Variants in ANKHD1 observed in about 807,000 individuals in gnomAD.
The protein encoded by ANKHD1 is ankyrin repeat and KH domain containing 1.
Under a neutral mutation model 230.5 loss-of-function variants are expected in ANKHD1, and 31 were observed. That is an observed-to-expected ratio of 0.13 (90% confidence interval 0.10 to 0.18). The LOEUF is 0.18. ANKHD1 is among the 10% of genes least tolerant of loss of function. ANKHD1 has a pLI of 1.00. For synonymous variants in ANKHD1, 1,074 were observed against 1,117.6 expected (o/e 0.96, Z 0.78); for missense variants, 2,256 against 3,071.3 (o/e 0.73, Z 6.27).
In ANKHD1 at chr5:140,485,592, G is replaced by A. The variant is rs1751471318; in HGVS notation, c.2002G>A (p.Gly668Ser). 1 of 1,611,594 alleles carries A rather than the reference G, an allele frequency of 6.2e-7. No homozygotes were observed. Among genetic ancestry groups the A allele is most frequent in the Non-Finnish European group, 8.5e-7 (1 of 1,179,434 alleles). Residue 668 changes from glycine to serine, a missense_variant, in exon 13 of 34, where the codon GGT (glycine) becomes AGT (serine). Around this residue, in one of 13 missense-constraint regions of ANKHD1, gnomAD observed 23 missense variants for 51.8 expected, o/e 0.44. Coordinates refer to ENST00000360839, the MANE Select transcript of ANKHD1 (RefSeq NM_017747.3). This position sits in a 1 kb window ranked among gnomAD's most constrained non-coding sequence, Gnocchi z 4.8. ...GADPTHRLKD[G>S]STMLIEAAKG... ...TATCATGGCAATTCTTTTTCAGGAT[G>A]GTTCAACAATGCTCATTGAAGCTGC...
chr5:140,457,719 G>A (rs556236149), intron 7 of ANKHD1, among the ~76,000 whole-genome samples: 6 of 152,108 alleles, frequency 3.9e-5, no homozygotes, highest in African/African-American at 1.2e-4. Flanking sequence ...TCGGGGGAGC[G>A]GGGAGGGAAA....
rs773286779 is a variant in ANKHD1, at chr5:140,458,802, C to T, written c.1420C>T (p.Pro474Ser). The change falls in exon 8 of 34, where the codon CCC (proline) becomes TCC (serine). Residue 474 changes from proline (P) to serine (S), a missense_variant. By Grantham distance (74) the Pro-to-Ser change is moderately conservative (BLOSUM62 -1). This residue lies in a region of ANKHD1 where 179 missense variants were observed against 261.8 expected (regional missense o/e 0.68). Transcript: ENST00000360839. ...LEEVNDEGYT[P>S]LMEAAREGHE... is the part of the protein sequence containing the mutation. ...AGAAGTTAATGATGAAGGATACACT[C>T]CCTTGATGGAAGCTGCCCGGGAAGG... is the stretch of plus-strand genomic sequence containing the variant. 11 of 1,612,936 alleles carry T rather than the reference C, an allele frequency of 6.8e-6. No homozygotes were observed. Among genetic ancestry groups the T allele is most frequent in the African/African-American group, 1.3e-5 (1 of 74,664 alleles).
chr5:140,420,812 G>C (rs1771914743), intron 1 of ANKHD1, among the ~76,000 whole-genome samples: 2 of 152,158 alleles, frequency 1.3e-5, no homozygotes, highest in Non-Finnish European at 1.5e-5. Flanking sequence ...GTTATTCTGG[G>C]TTATTGGTTA....
intron 1 of ANKHD1, among the ~76,000 whole-genome samples, chr5:140,415,466 T>C (rs1237298334): frequency 7.1e-6 from 1 of 141,234 alleles, no homozygotes. Flanking sequence ...TGAGATGGAG[T>C]CTTGCTCTGT....
chr5:140,436,309 TTTACAG>T (rs1333703267), intron 2 of ANKHD1, 52 bp downstream of exon 2: 1 of 1,379,722 alleles, frequency 7.2e-7, no homozygotes, highest in African/African-American at 1.5e-5. Context: ...TCTAGATCTC[TTTACAG>T]TTACATGAGA....
Position 140,464,649 on chromosome 5 carries a change from T to C in ANKHD1, c.1673-18T>C, listed in dbSNP as rs778912427. On this transcript the variant is annotated intron_variant, in intron 9 of 33. Coordinates refer to ENST00000360839, the MANE Select transcript of ANKHD1 (RefSeq NM_017747.3). Reference sequence around the variant, plus strand: ...TTTTACAGTTCACAAAGTAAATGTATGCTTTTTTGTTTGCTAGGCGCTAAT... The same window carrying C: ...TTTTACAGTTCACAAAGTAAATGTACGCTTTTTTGTTTGCTAGGCGCTAAT... 1.3e-5 allele frequency: 20 copies of C among 1,524,808 alleles called. 1 individual carries two copies. The South Asian group carries it at 2.6e-4, about 20-fold the overall frequency. 94.5% of individuals were successfully genotyped at this position (1,524,808 alleles called of 1,614,324 possible).
rs775758539 is a variant in ANKHD1, at chr5:140,440,282, C to G, written c.765+16C>G. The G allele has an allele frequency of 6.3e-7, 1 of 1,598,870 alleles. No individual in the cohort carries two copies. Among genetic ancestry groups the G allele is most frequent in the Non-Finnish European group, 8.5e-7 (1 of 1,173,550 alleles). On this transcript the variant is annotated intron_variant, in intron 4 of 33. Coordinates refer to ENST00000360839, the MANE Select transcript of ANKHD1 (RefSeq NM_017747.3). The stretch of plus-strand genomic sequence containing the variant: ...ATTAGCACAAGTAAGCAGAAATAAT[C>G]TTTAGTGATTAAAATTGTGGAAGGG...
chr5:140,447,338 G>T (rs1252529102), intron 6 of ANKHD1, among the ~76,000 whole-genome samples: 3 of 152,096 alleles, frequency 2.0e-5, no homozygotes. Context: ...GAATAGCTAG[G>T]ATTACAGACT....
chr5:140,462,501 G>A (rs1322831544), intron 9 of ANKHD1, among the ~76,000 whole-genome samples: 1 of 151,894 alleles, frequency 6.6e-6, no homozygotes, highest in African/African-American at 2.4e-5. Context: ...GAGGTGGGCG[G>A]ATCACAAGGT....
In ANKHD1 at chr5:140,528,819, T is replaced by A. The variant is rs757393154; in HGVS notation, c.5873T>A (p.Val1958Asp). 6.2e-7 allele frequency: 1 copy of A among 1,614,052 alleles called. No individual in the cohort carries two copies. Among genetic ancestry groups the A allele is most frequent in the Admixed American group, 1.7e-5 (1 of 60,014 alleles). Residue 1958 changes from valine to aspartate, a missense_variant, in exon 29 of 34, where the codon GTC (valine) becomes GAC (aspartate). Coordinates refer to ENST00000360839, the MANE Select transcript of ANKHD1 (RefSeq NM_017747.3). ...ACTAATACCCGGACTCCTTCATCAG[T>A]CAGAAAGCAGTTGTTTGCCTGTGTG... ...CVTNTRTPSS[V>D]RKQLFACVPK...
chr5:140,423,898 G>A lies in ANKHD1; in HGVS notation c.307-12206G>A, dbSNP rs548335110. ...AGGAGCTGGTTAACTATCCTGAGTC[G>A]CTTTATTGTAAAGCACATTTGGCCC... On this transcript the variant is annotated intron_variant, in intron 1 of 33. Transcript: ENST00000360839. Among the ~76,000 whole-genome samples the A allele has an allele frequency of 7.9e-5, 12 of 152,160 alleles. No individual in the cohort carries two copies. The East Asian group carries it at 1.5e-3, about 20-fold the overall frequency.
chr5:140,436,957 A>G (rs764396727), intron 2 of ANKHD1, among the ~76,000 whole-genome samples: 3 of 152,206 alleles, frequency 2.0e-5, no homozygotes, highest in Non-Finnish European at 4.4e-5. Flanking sequence ...TATGTAATGC[A>G]TATTATAAAA....
chr5:140,479,954 A>AT (rs1751195278), intron 10 of ANKHD1, among the ~76,000 whole-genome samples: 1 of 150,828 alleles, frequency 6.6e-6, no homozygotes, highest in African/African-American at 2.4e-5. Flanking sequence ...GGGATTTTCC[A>AT]TATATACATA....
At chr5:140,500,521 G>T (rs1199227149) in intron 15 of ANKHD1, among the ~76,000 whole-genome samples, 2 of 151,858 alleles carry the variant, frequency 1.3e-5, no homozygotes, top group Non-Finnish European at 2.9e-5. Context: ...GGTGGTGCAT[G>T]CCTGTAATCC....
At chr5:140,513,518 G>A in intron 24 of ANKHD1, 39 bp downstream of exon 24, 1 of 1,597,428 alleles carries the variant, frequency 6.3e-7, no homozygotes. Context: ...AGAAATTATT[G>A]AGGGTGGGGG....
At chr5:140,499,151 C>A (rs528000788) in intron 15 of ANKHD1, among the ~76,000 whole-genome samples, 214 of 151,894 alleles carry the variant, frequency 1.4e-3, no homozygotes, top group Non-Finnish European at 2.0e-3. Context: ...TTTGTGAAGG[C>A]TATGTGTTTT....
At chr5:140,513,502 C>G in intron 24 of ANKHD1, 23 bp downstream of exon 24, 1 of 1,604,796 alleles carries the variant, frequency 6.2e-7, no homozygotes, top group Non-Finnish European at 8.5e-7. Flanking sequence ...AATAATTTTC[C>G]TTTTTAGAAA....
At chr5:140,525,870 G>T in intron 25 of ANKHD1, 126 bp from the exon 26 acceptor site, 4 of 1,111,858 alleles carry the variant, frequency 3.6e-6, no homozygotes, top group African/African-American at 1.6e-5. Context: ...ATTTCTTAGT[G>T]AATACTGGTG....
At chr5:140,491,477 T>C (rs6896168) in intron 14 of ANKHD1, among the ~76,000 whole-genome samples, 2,461 of 152,160 alleles carry the variant, frequency 0.016, 73 homozygotes, top group African/African-American at 0.056. Flanking sequence ...TACCTTGTAT[T>C]TTTAATTTAC....
Sources: allele counts gnomAD v4.1 joint callset (sites outside exome capture counted in the v4.1 genomes callset), GRCh38; gene constraint gnomAD v4.1.1; regional missense constraint gnomAD v4.1.1; non-coding constraint Gnocchi (gnomAD v3.1); transcripts MANE v1.5; gene names NCBI Gene and HGNC (gene_info 2026-07-23, HGNC 2026-07-21).